The following LARS2 variants were observed in gnomAD, a reference collection of about 807,000 sequenced individuals.
LARS2 encodes the protein leucyl-tRNA synthetase 2, mitochondrial, also known as leucine--tRNA ligase, mitochondrial.
LARS2 carries 81 observed loss-of-function variants against 116.6 expected under a neutral mutation model. That is an observed-to-expected ratio of 0.69 (90% CI 0.58 to 0.84). LARS2 has a LOEUF of 0.84. LARS2 is among the 40% of genes least tolerant of loss of function. The probability of loss-of-function intolerance (pLI) is 0.00; values close to 1 mark genes in which losing one functional copy is unlikely to be tolerated. For missense variants in LARS2, 968 were observed against 1,114.5 expected (o/e 0.87, Z 1.87); for synonymous variants, 396 against 407.2 (o/e 0.97, Z 0.33).
intron 12 of LARS2, 39 bp downstream of exon 12, chr3:45,488,851 G>A (rs772257471): frequency 3.2e-6 from 4 of 1,255,854 alleles, no homozygotes; most frequent in Non-Finnish European, 3.5e-6. Context: ...TGATCACCTT[G>A]ATACGACTTT....
chr3:45,454,149 A>T (rs1699178695), intron 7 of LARS2, among the ~76,000 whole-genome samples: 1 of 152,188 alleles, frequency 6.6e-6, no homozygotes, highest in African/African-American at 2.4e-5. Context: ...TGTGTCACAG[A>T]TAGGAAAGCT....
intron 14 of LARS2, among the ~76,000 whole-genome samples, 169 bp downstream of exon 14, chr3:45,496,542 A>T (rs1298435366): frequency 6.6e-6 from 1 of 152,176 alleles, no homozygotes; most frequent in East Asian, 1.9e-4. Flanking sequence ...ACCACGATGG[A>T]GCTGTGACAG....
intron 20 of LARS2, among the ~76,000 whole-genome samples, chr3:45,527,168 C>T (rs187727943): frequency 9.9e-5 from 15 of 152,158 alleles, no homozygotes; most frequent in African/African-American, 1.7e-4. Context: ...GGTTTATTAC[C>T]GGGGGAAACA....
chr3:45,428,929 C>T (rs369470489), intron 6 of LARS2, among the ~76,000 whole-genome samples: 1 of 152,042 alleles, frequency 6.6e-6, no homozygotes, highest in Non-Finnish European at 1.5e-5. Context: ...TGGCTCTTGA[C>T]CCCAAAGTAC....
At chr3:45,396,313 C>T (rs761902065) in intron 3 of LARS2, among the ~76,000 whole-genome samples, 5 of 152,204 alleles carry the variant, frequency 3.3e-5, no homozygotes, top group Admixed American at 1.3e-4. Context: ...CTGGCTCTGC[C>T]CCAGGAAACC....
chr3:45,440,071 GT>G (rs1416533764), intron 6 of LARS2, among the ~76,000 whole-genome samples: 48 of 152,176 alleles, frequency 3.2e-4, no homozygotes, highest in Non-Finnish European at 6.2e-4. Flanking sequence ...GGCCGTCAGT[GT>G]CTTGGTTCTG....
intron 3 of LARS2, among the ~76,000 whole-genome samples, chr3:45,398,435 G>A (rs192020889): frequency 5.4e-4 from 83 of 152,308 alleles, no homozygotes; most frequent in African/African-American, 1.9e-3. Flanking sequence ...ATTCTGTTTC[G>A]TGTTTGTTTG....
chr3:45,400,098 A>T, intron 3 of LARS2, 147 bp from the exon 4 acceptor site: 1 of 761,798 alleles, frequency 1.3e-6, no homozygotes, highest in Non-Finnish European at 2.0e-6. Flanking sequence ...TTGACATTTT[A>T]ATTGATTTAC....
chr3:45,513,357 G>A (rs1365639422), intron 16 of LARS2, 122 bp downstream of exon 16: 5 of 701,006 alleles, frequency 7.1e-6, no homozygotes, highest in African/African-American at 1.7e-5. Flanking sequence ...GAGACCCGCT[G>A]GCTGTGAGGT....
At chr3:45,492,814 T>C (rs2125733774) in intron 13 of LARS2, among the ~76,000 whole-genome samples, 1 of 152,244 alleles carries the variant, frequency 6.6e-6, no homozygotes, top group African/African-American at 2.4e-5. Flanking sequence ...TTGCCAGCCA[T>C]CCTCCCAGGT....
At chr3:45,508,575 A>G (rs1700232691) in intron 15 of LARS2, among the ~76,000 whole-genome samples, 2 of 152,034 alleles carry the variant, frequency 1.3e-5, no homozygotes, top group South Asian at 4.1e-4. Context: ...TCAGAGATCT[A>G]TGGCCTTCAA....
intron 19 of LARS2, among the ~76,000 whole-genome samples, chr3:45,522,537 C>T (rs1233613172): frequency 2.6e-5 from 4 of 152,196 alleles, no homozygotes; most frequent in African/African-American, 9.6e-5. Context: ...TCAACACCAA[C>T]CTGCTCAACA....
chr3:45,514,403 C>A (rs967447473), intron 16 of LARS2, among the ~76,000 whole-genome samples: 1 of 152,112 alleles, frequency 6.6e-6, no homozygotes, highest in Admixed American at 6.6e-5. Context: ...GGGAAGCAGT[C>A]GATGCAATTA....
intron 20 of LARS2, among the ~76,000 whole-genome samples, chr3:45,529,039 T>C (rs1700576398): frequency 6.6e-6 from 1 of 152,034 alleles, no homozygotes; most frequent in Admixed American, 6.6e-5. Context: ...TGGCTAATTT[T>C]TGTATTTTTG....
At chr3:45,430,109 C>G (rs528135423) in intron 6 of LARS2, among the ~76,000 whole-genome samples, 6 of 132,404 alleles carry the variant, frequency 4.5e-5, no homozygotes, top group African/African-American at 1.6e-4. Flanking sequence ...CCTCCTGGGA[C>G]TACAGGTGCC....
intron 6 of LARS2, among the ~76,000 whole-genome samples, chr3:45,426,832 G>T (rs953104975): frequency 1.3e-5 from 2 of 152,164 alleles, no homozygotes; most frequent in South Asian, 4.2e-4. Flanking sequence ...TTTGTCCGCA[G>T]TTCCAGCTGG....
At chr3:45,539,621 ACT>A (rs966852437) in intron 20 of LARS2, among the ~76,000 whole-genome samples, 7 of 151,848 alleles carry the variant, frequency 4.6e-5, no homozygotes, top group Non-Finnish European at 8.8e-5. Context: ...ACAGAGTGAG[ACT>A]CTGTCTCAAA....
At position 45,394,676 on chromosome 3, in the gene LARS2, T is replaced by A. The variant is rs1419687237; in HGVS notation, c.223T>A (p.Ser75Thr). ...AATAAAAGAACAGGCCTCCAAAATT[T>A]CAGAAGCTGATGTGAGTATTCTGAG... Reference protein sequence around the residue: ...QRIKEQASKISEADKSKPKFY... With the variant: ...QRIKEQASKITEADKSKPKFY... The change falls in exon 3 of 22, where the codon TCA becomes ACA. Residue 75 changes from serine (S) to threonine (T), a missense_variant. Transcript: ENST00000645846. The A allele has an allele frequency of 6.2e-7, 1 of 1,611,406 alleles. No homozygotes were observed. Among genetic ancestry groups the A allele is most frequent in the Non-Finnish European group, 8.5e-7 (1 of 1,177,584 alleles).
At chr3:45,476,222 T>C (rs549157494) in intron 9 of LARS2, among the ~76,000 whole-genome samples, 1 of 152,262 alleles carries the variant, frequency 6.6e-6, no homozygotes, top group East Asian at 1.9e-4. Context: ...TGGACCACCT[T>C]CAACTTGGGA....
Sources: gnomAD v4.1 joint callset for allele counts (sites outside exome capture counted in the v4.1 genomes callset) on GRCh38, gnomAD v4.1.1 for gene constraint, MANE v1.5 for transcripts, NCBI Gene and HGNC (gene_info 2026-07-23, HGNC 2026-07-21) for gene names.